Variants in LRRIQ3 observed in about 807,000 individuals in gnomAD.
LRRIQ3 encodes the protein leucine-rich repeat and IQ domain-containing protein 3.
Under a neutral mutation model 59.3 loss-of-function variants are expected in LRRIQ3, and 75 were observed. That is an observed-to-expected ratio of 1.26 (90% confidence interval 1.05 to 1.53). The LOEUF is 1.53. Ranked by LOEUF, LRRIQ3 falls within the 40% of genes most tolerant of loss-of-function variation. LRRIQ3 has a pLI of 0.00. For missense variants in LRRIQ3, 831 were observed against 710.0 expected, an observed-to-expected ratio of 1.17 and a Z score of -1.94; for synonymous variants, 250 against 231.3, an observed-to-expected ratio of 1.08 and a Z score of -0.73.
chr1:74,026,790 A>G lies in LRRIQ3; in HGVS notation c.*23T>C. The G allele has an allele frequency of 6.4e-7, 1 of 1,571,932 alleles. No individual in the cohort carries two copies. The highest frequency in any genetic ancestry group is 8.6e-7 in the Non-Finnish European group (1 of 1,159,734). ...ATAATGACTATAATTTAAGATGATC[A>G]TAGGATGTGATCTGGCATTGATTCA... On this transcript the variant is annotated 3_prime_UTR_variant, in exon 8 of 8. Coordinates refer to ENST00000354431, the MANE Select transcript of LRRIQ3 (RefSeq NM_001105659.2).
chr1:74,070,671 T>G (rs1165331021), intron 6 of LRRIQ3, among the ~76,000 whole-genome samples: 1 of 151,982 alleles, frequency 6.6e-6, no homozygotes, highest in Non-Finnish European at 1.5e-5. Flanking sequence ...TATATGTGTG[T>G]GTGTGCATGT....
At chr1:74,042,302 A>G (rs976126774) in intron 6 of LRRIQ3, among the ~76,000 whole-genome samples, 9 of 152,144 alleles carry the variant, frequency 5.9e-5, no homozygotes, top group African/African-American at 2.2e-4. Context: ...AGAATAATTC[A>G]TGAACTGGGT....
intron 3 of LRRIQ3, among the ~76,000 whole-genome samples, chr1:74,162,399 G>A (rs893227984): frequency 2.6e-5 from 4 of 151,698 alleles, no homozygotes; most frequent in Admixed American, 6.6e-5. Context: ...AAGATGCTTA[G>A]GCAAAAAACT....
At chr1:74,130,202 C>A (rs1386799369) in intron 4 of LRRIQ3, among the ~76,000 whole-genome samples, 4 of 152,026 alleles carry the variant, frequency 2.6e-5, no homozygotes, top group Non-Finnish European at 4.4e-5. Flanking sequence ...GTCTAGACTG[C>A]CTTTCAAGTT....
At chr1:74,067,974 G>A (rs185739442) in intron 6 of LRRIQ3, among the ~76,000 whole-genome samples, 2 of 152,096 alleles carry the variant, frequency 1.3e-5, no homozygotes, top group South Asian at 2.1e-4. Context: ...GCCAAACATA[G>A]TCAAGTACAA....
intron 5 of LRRIQ3, among the ~76,000 whole-genome samples, chr1:74,095,316 C>G (rs112024837): frequency 4.5e-4 from 68 of 152,220 alleles, no homozygotes; most frequent in African/African-American, 1.6e-3. Flanking sequence ...TGTGAGAGAA[C>G]AGTTGTTTTG....
chr1:74,092,817 G>T (rs1398845942), intron 5 of LRRIQ3, among the ~76,000 whole-genome samples: 1 of 151,898 alleles, frequency 6.6e-6, no homozygotes, highest in Admixed American at 6.6e-5. Flanking sequence ...AAATTGAAGC[G>T]GTTACAATAG....
rs551933269 is a variant in LRRIQ3 at position 74,050,320 on chromosome 1, C to A, written c.998-8387G>T. On this transcript the variant is annotated intron_variant, in intron 6 of 7. Coordinates refer to ENST00000354431, the MANE Select transcript of LRRIQ3 (RefSeq NM_001105659.2). ...CAAACTGAATTTTTTGACACAAAGG[C>A]AACAAAATGGCTTGTTTTAGATATA... 5.3e-5 allele frequency among the ~76,000 whole-genome samples: 8 copies of A among 152,238 alleles called. No homozygotes were observed. The South Asian group carries it at 1.7e-3, about 32-fold the overall frequency.
At chr1:74,113,735 G>C (rs1005139764) in intron 4 of LRRIQ3, among the ~76,000 whole-genome samples, 5 of 151,874 alleles carry the variant, frequency 3.3e-5, no homozygotes, top group Non-Finnish European at 5.9e-5. Flanking sequence ...ATCAATACAA[G>C]CTAAAATAAT....
At chr1:74,030,814 A>G (rs553661290) in intron 7 of LRRIQ3, among the ~76,000 whole-genome samples, 87 of 152,238 alleles carry the variant, frequency 5.7e-4, no homozygotes, top group Admixed American at 9.2e-4. Flanking sequence ...TACCATCAGA[A>G]TGAACAGACA....
intron 4 of LRRIQ3, 83 bp from the exon 5 acceptor site, chr1:74,109,636 C>G: frequency 1.8e-6 from 2 of 1,127,252 alleles, no homozygotes; most frequent in Non-Finnish European, 2.5e-6. Flanking sequence ...TCACTTACAT[C>G]TTAGAAAACA....
Position 74,074,701 on chromosome 1 carries a change from T to C in LRRIQ3, c.957A>G (p.Leu319=). ...GTCTTGATGTTTTTGATTTCATGCC[T>C]AGATCTTTTGGTTTTAATTCACATA... ...SILCELKPKD[L]GMKSKTSRHL... Residue 319 remains leucine (L), a synonymous_variant, in exon 6 of 8, where the codon CTA becomes CTG. Transcript: ENST00000354431. 1 of 1,448,788 alleles carries C rather than the reference T, an allele frequency of 6.9e-7. No individual in the cohort carries two copies. Among genetic ancestry groups the C allele is most frequent in the Admixed American group, 2.2e-5 (1 of 45,178 alleles). 89.7% of individuals were successfully genotyped at this position (1,448,788 alleles called of 1,614,324 possible). A position where few individuals can be genotyped will look rare whatever the true frequency, so the allele number is the denominator to read the frequency against.
intron 6 of LRRIQ3, chr1:74,050,406 C>G: frequency 2.1e-6 from 1 of 478,372 alleles, no homozygotes; most frequent in Non-Finnish European, 2.7e-6. Flanking sequence ...ATATGTACCT[C>G]TCAACTTAAG....
At chr1:74,041,970 A>T (rs772616273) in intron 6 of LRRIQ3, 37 bp from the exon 7 acceptor site, 6 of 1,485,762 alleles carry the variant, frequency 4.0e-6, no homozygotes, top group Non-Finnish European at 5.3e-6. Context: ...ACATTATACA[A>T]GAGCTAAGTA....
chr1:74,040,676 T>C (rs1026937990), intron 7 of LRRIQ3, among the ~76,000 whole-genome samples: 2 of 152,120 alleles, frequency 1.3e-5, no homozygotes, highest in Admixed American at 1.3e-4. Context: ...TTGAACAACA[T>C]GCTCCTGAAT....
intron 4 of LRRIQ3, among the ~76,000 whole-genome samples, chr1:74,149,364 C>A (rs1647779304): frequency 6.6e-6 from 1 of 152,050 alleles, no homozygotes; most frequent in African/African-American, 2.4e-5. Context: ...GTATGTACAA[C>A]TATTTAGTAT....
chr1:74,091,524 T>C (rs1238080890), intron 5 of LRRIQ3, among the ~76,000 whole-genome samples: 4 of 151,980 alleles, frequency 2.6e-5, no homozygotes, highest in Non-Finnish European at 5.9e-5. Flanking sequence ...TGATTAAACG[T>C]AGCTAACAAG....
chr1:74,185,184 C>A (rs1174034721), intron 1 of LRRIQ3, among the ~76,000 whole-genome samples: 4 of 152,156 alleles, frequency 2.6e-5, no homozygotes, highest in Non-Finnish European at 5.9e-5. Flanking sequence ...AGTTTGTTTG[C>A]TGAATCACAT....
chr1:74,144,103 G>A (rs1257665638), intron 4 of LRRIQ3, among the ~76,000 whole-genome samples: 1 of 151,712 alleles, frequency 6.6e-6, no homozygotes, highest in South Asian at 2.1e-4. Context: ...ACCTATTTGG[G>A]CACCTTTCAG....
Sources: allele counts gnomAD v4.1 joint callset (sites outside exome capture counted in the v4.1 genomes callset), GRCh38; gene constraint gnomAD v4.1.1; transcripts MANE v1.5; gene names NCBI Gene and HGNC (gene_info 2026-07-23, HGNC 2026-07-21).